The following COLEC11 variants were observed in gnomAD, a reference collection of about 807,000 sequenced individuals.
COLEC11 encodes the protein collectin-11.
Under a neutral mutation model 27.3 loss-of-function variants are expected in COLEC11, and 20 were observed. The ratio of observed to expected loss-of-function variants is 0.73; its 90% CI spans 0.51 to 1.06. The LOEUF is 1.06. Ranked by LOEUF, COLEC11 falls within the 50% of genes least tolerant of loss-of-function variation. The probability of loss-of-function intolerance (pLI) is 0.00; values close to 1 mark genes in which losing one functional copy is unlikely to be tolerated. For missense variants in COLEC11, 310 were observed against 383.0 expected (o/e 0.81, Z 1.59); for synonymous variants, 163 against 154.7 (o/e 1.05, Z -0.40).
chr2:3,630,411 T>C (rs1356325677), intron 3 of COLEC11, among the ~76,000 whole-genome samples: 1 of 152,268 alleles, frequency 6.6e-6, no homozygotes, highest in East Asian at 1.9e-4. Context: ...AAGACACTTT[T>C]GTAAGTAATT....
chr2:3,626,870 C>T (rs922512465), intron 3 of COLEC11, among the ~76,000 whole-genome samples: 8 of 152,312 alleles, frequency 5.3e-5, no homozygotes, highest in African/African-American at 1.2e-4. Flanking sequence ...GTGTGGTAGG[C>T]GGTGCCCGGG....
At position 3,603,460 on chromosome 2, in the gene COLEC11, G is replaced by A. The variant is rs1558485590; in HGVS notation, c.-26-855G>A. 1.7e-5 allele frequency: 10 copies of A among 595,892 alleles called. No individual in the cohort carries two copies. In the East Asian group the frequency reaches 2.5e-4, roughly 15 times the overall value. 36.9% of individuals were successfully genotyped at this position (595,892 alleles called of 1,614,324 possible). A position where few individuals can be genotyped will look rare whatever the true frequency, so the allele number is the denominator to read the frequency against. On this transcript the variant is annotated intron_variant, in intron 1 of 6. Coordinates refer to ENST00000349077, the MANE Select transcript of COLEC11 (RefSeq NM_024027.5). Reference sequence around the variant, plus strand: ...GCCTCCCAAGTAGCTGGGATTAGAGGTGCCCGCCACCACACCCAGCTAATT... The same window carrying A: ...GCCTCCCAAGTAGCTGGGATTAGAGATGCCCGCCACCACACCCAGCTAATT...
intron 2 of COLEC11, among the ~76,000 whole-genome samples, chr2:3,612,678 G>A (rs887591078): frequency 7.2e-5 from 11 of 152,114 alleles, no homozygotes; most frequent in African/African-American, 2.4e-4. Context: ...GAGGCCCCTG[G>A]CCTCACTGCG....
rs62107192 is a variant in COLEC11, at chr2:3,602,877, G to T, written c.-26-1438G>T. Among the ~76,000 whole-genome samples, 6,445 of 152,276 alleles carry T rather than the reference G, an allele frequency of 0.042. 166 individuals carry two copies. The highest frequency in any genetic ancestry group is 0.05 in the Non-Finnish European group (3,404 of 68,028). Reference sequence around the variant, plus strand: ...ACAGCAGCATGTGTCCCGGCCACTGGACTCTGCCTCACTCTTCCCCACGGC... The same window carrying T: ...ACAGCAGCATGTGTCCCGGCCACTGTACTCTGCCTCACTCTTCCCCACGGC... On this transcript the variant is annotated intron_variant, in intron 1 of 6. Coordinates refer to ENST00000349077, the MANE Select transcript of COLEC11 (RefSeq NM_024027.5). This position sits in a 1 kb window ranked among gnomAD's most constrained non-coding sequence, Gnocchi z 6.2.
At chr2:3,604,087 G>A (rs1662442832) in intron 1 of COLEC11, 2 of 602,882 alleles carry the variant, frequency 3.3e-6, no homozygotes, top group South Asian at 2.0e-5. Context: ...CACTGACCAG[G>A]GCTGGCATGC....
intron 1 of COLEC11, among the ~76,000 whole-genome samples, chr2:3,598,428 CTTTATTTACTCA>C (rs1662008231): frequency 6.6e-6 from 1 of 152,216 alleles, no homozygotes; most frequent in Admixed American, 6.5e-5. Context: ...TTGTTTGTTC[CTTTATTTACTCA>C]TTCACTTGTT....
At position 3,595,176 on chromosome 2, in the gene COLEC11, ACT is replaced by A. The variant is rs766470769; in HGVS notation, c.-27+11_-27+12del. On this transcript the variant is annotated intron_variant, in intron 1 of 6. Coordinates refer to ENST00000349077, the MANE Select transcript of COLEC11 (RefSeq NM_024027.5). ...CGCCTAGCGCGTGCTCAGGTAGGAG[ACT>A]CTGCCCGGGGCTGCAGCTGAGGGTT... The A allele has an allele frequency of 6.0e-4, 194 of 323,620 alleles. 1 individual carries two copies. The highest frequency in any genetic ancestry group is 1.8e-3 in the Admixed American group (45 of 25,406). The allele number at this position is 323,620 out of a possible 1,614,324, so 20.0% of individuals were successfully genotyped here.
At chr2:3,628,301 G>A (rs1020328241) in intron 3 of COLEC11, among the ~76,000 whole-genome samples, 7 of 152,236 alleles carry the variant, frequency 4.6e-5, no homozygotes, top group Non-Finnish European at 1.0e-4. Context: ...CGAGGCTTCC[G>A]GCCATGCTGG....
At chr2:3,630,177 CTG>C (rs574935463) in intron 3 of COLEC11, among the ~76,000 whole-genome samples, 19 of 152,054 alleles carry the variant, frequency 1.2e-4, no homozygotes, top group East Asian at 7.7e-4. Flanking sequence ...ATATAGATGT[CTG>C]TGCATGCATA....
intron 2 of COLEC11, among the ~76,000 whole-genome samples, chr2:3,606,572 C>T (rs529349001): frequency 2.0e-5 from 3 of 152,290 alleles, no homozygotes; most frequent in Admixed American, 6.5e-5. Context: ...AGTGGGCACA[C>T]AGTGACCGGG....
intron 2 of COLEC11, chr2:3,606,016 GA>G: frequency 6.7e-7 from 1 of 1,499,532 alleles, no homozygotes; most frequent in Non-Finnish European, 9.0e-7. Flanking sequence ...AATTATGTTG[GA>G]AGCAACTTAA....
intron 3 of COLEC11, among the ~76,000 whole-genome samples, chr2:3,632,949 C>T (rs911401620): frequency 2.0e-5 from 3 of 152,152 alleles, no homozygotes; most frequent in Middle Eastern, 6.3e-3. Flanking sequence ...TGGCCCTTCA[C>T]CTGAACAAAG....
At position 3,603,154 on chromosome 2, in the gene COLEC11, G is replaced by A. The variant is rs143735090; in HGVS notation, c.-26-1161G>A. Among the ~76,000 whole-genome samples, 1,374 of 152,172 alleles carry A rather than the reference G, an allele frequency of 9.0e-3. 13 individuals are homozygous for A. The highest frequency in any genetic ancestry group is 0.02 in the South Asian group (97 of 4,814). On this transcript the variant is annotated intron_variant, in intron 1 of 6. Transcript: ENST00000349077. The stretch of plus-strand genomic sequence containing the variant: ...CTCTGCGGAGCCCCAGTCCCAGCTC[G>A]CCACGGCTCTTTATCAGCTGTGCTC...
intron 4 of COLEC11, among the ~76,000 whole-genome samples, chr2:3,639,480 T>C (rs1665686344): frequency 6.6e-6 from 1 of 152,150 alleles, no homozygotes; most frequent in South Asian, 2.1e-4. Flanking sequence ...AGGAATCAGG[T>C]GGGTGGAGAC....
At chr2:3,627,581 A>T (rs976613798) in intron 3 of COLEC11, among the ~76,000 whole-genome samples, 1 of 148,430 alleles carries the variant, frequency 6.7e-6, no homozygotes, top group Non-Finnish European at 1.5e-5. Flanking sequence ...GCATCTGGGC[A>T]TGATGGCTCT....
chr2:3,623,259 C>T lies in COLEC11; in HGVS notation c.202+9877C>T, dbSNP rs1664302174. Among the ~76,000 whole-genome samples, 4 of 152,224 alleles carry T rather than the reference C, an allele frequency of 2.6e-5. No individual in the cohort carries two copies. The South Asian group carries it at 8.3e-4, about 32-fold the overall frequency. ...TTATGGTAGTTTGATTATAATGTAT[C>T]TTGGTGAAGTTTTCTGTGGGTTGAA... On this transcript the variant is annotated intron_variant, in intron 3 of 6. Coordinates refer to ENST00000349077, the MANE Select transcript of COLEC11 (RefSeq NM_024027.5).
chr2:3,623,036 A>G (rs1664289978), intron 3 of COLEC11, among the ~76,000 whole-genome samples: 1 of 151,992 alleles, frequency 6.6e-6, no homozygotes, highest in Non-Finnish European at 1.5e-5. Flanking sequence ...TGTTTCCTTT[A>G]TTTTTGAAGG....
chr2:3,600,646 C>G (rs1251990738), intron 1 of COLEC11, among the ~76,000 whole-genome samples: 2 of 152,220 alleles, frequency 1.3e-5, no homozygotes, highest in East Asian at 3.8e-4. Flanking sequence ...TGGCGTCCCC[C>G]AGGGGAGGGC....
intron 1 of COLEC11, chr2:3,603,507 C>A (rs1662394228): frequency 4.1e-6 from 3 of 725,658 alleles, no homozygotes; most frequent in East Asian, 2.8e-5. Flanking sequence ...AGAAGACATG[C>A]GGTTTCACCA....
Sources: gnomAD v4.1 joint callset for allele counts (sites outside exome capture counted in the v4.1 genomes callset) on GRCh38, gnomAD v4.1.1 for gene constraint, Gnocchi (gnomAD v3.1) non-coding constraint, MANE v1.5 for transcripts, NCBI Gene and HGNC (gene_info 2026-07-23, HGNC 2026-07-21) for gene names.